The following LYN variants were observed in gnomAD, a reference collection of about 807,000 sequenced individuals.
The protein encoded by LYN is LYN proto-oncogene, Src family tyrosine kinase, also known as tyrosine-protein kinase Lyn.
LYN carries 12 observed loss-of-function variants against 65.0 expected under a neutral mutation model. The observed-to-expected ratio is 0.18, with a 90% CI of 0.12 to 0.30. The LOEUF (loss-of-function observed/expected upper bound fraction) is 0.30, where lower values mean the gene tolerates loss of function less well. Among genes scored for constraint, LYN ranks in the 10% least tolerant of loss-of-function variants. The pLI is 1.00. For synonymous variants in LYN, 222 were observed against 221.2 expected, an observed-to-expected ratio of 1.00 and a Z score of -0.03; for missense variants, 380 against 623.2, an observed-to-expected ratio of 0.61 and a Z score of 4.16.
chr8:55,970,053 GT>G (rs1270116609), intron 10 of LYN, among the ~76,000 whole-genome samples: 1 of 152,246 alleles, frequency 6.6e-6, no homozygotes, highest in East Asian at 1.9e-4. Context: ...CATTTCATAA[GT>G]CATAGAAACA....
chr8:55,936,085 T>C (rs141328910), intron 1 of LYN, among the ~76,000 whole-genome samples: 36 of 152,334 alleles, frequency 2.4e-4, no homozygotes, highest in African/African-American at 7.9e-4. Context: ...AGTAAATCTC[T>C]TGAGTTATAG....
intron 1 of LYN, among the ~76,000 whole-genome samples, chr8:55,925,660 G>T (rs904032681): frequency 2.0e-5 from 3 of 152,092 alleles, no homozygotes; most frequent in Admixed American, 6.6e-5. Context: ...GAAGCAGGCC[G>T]CCCGTGACAC....
At chr8:55,915,829 C>T (rs1295099649) in intron 1 of LYN, among the ~76,000 whole-genome samples, 1 of 151,608 alleles carries the variant, frequency 6.6e-6, no homozygotes, top group Non-Finnish European at 1.5e-5. Flanking sequence ...AGAAAGAGAG[C>T]GAGCGAGCGA....
intron 1 of LYN, among the ~76,000 whole-genome samples, chr8:55,887,067 T>A (rs1371017625): frequency 3.3e-5 from 5 of 152,224 alleles, no homozygotes; most frequent in Admixed American, 3.3e-4. Flanking sequence ...ACAAATTAAG[T>A]CACATTCATA....
chr8:55,959,543 C>T (rs2668018), intron 8 of LYN, among the ~76,000 whole-genome samples: 50,295 of 151,938 alleles, frequency 0.33, 8,785 homozygotes, highest in African/African-American at 0.46. Context: ...GGCTATACAG[C>T]AGAGGAAAGA....
intron 10 of LYN, among the ~76,000 whole-genome samples, chr8:55,982,528 C>T (rs144587505): frequency 2.6e-5 from 4 of 152,240 alleles, no homozygotes; most frequent in African/African-American, 9.6e-5. Context: ...AGACCTTCTA[C>T]CTCCCCCACC....
At chr8:55,946,569 G>T (rs543193062) in intron 3 of LYN, 76 bp downstream of exon 3, 1 of 952,094 alleles carries the variant, frequency 1.1e-6, no homozygotes, top group Non-Finnish European at 1.6e-6. Flanking sequence ...TGTCCTAAAT[G>T]TTTTTATTTT....
chr8:55,903,603 G>A (rs150633954), intron 1 of LYN, among the ~76,000 whole-genome samples: 2 of 152,310 alleles, frequency 1.3e-5, no homozygotes, highest in Middle Eastern at 3.4e-3. Flanking sequence ...TTCACTGTAA[G>A]CTCTTTCTGT....
intron 10 of LYN, among the ~76,000 whole-genome samples, chr8:55,984,424 T>C (rs1236361688): frequency 6.6e-6 from 1 of 152,238 alleles, no homozygotes; most frequent in Non-Finnish European, 1.5e-5. Flanking sequence ...CCAAAACCTG[T>C]GCCAGCAGCC....
chr8:55,996,203 A>G (rs1439781374), intron 10 of LYN, among the ~76,000 whole-genome samples: 1 of 152,240 alleles, frequency 6.6e-6, no homozygotes, highest in Non-Finnish European at 1.5e-5. Context: ...GTTTTTGTAC[A>G]CATTGACCAT....
intron 12 of LYN, among the ~76,000 whole-genome samples, chr8:56,001,654 T>A (rs1215980584): frequency 6.6e-6 from 1 of 152,250 alleles, no homozygotes; most frequent in Non-Finnish European, 1.5e-5. Context: ...ATATTTCTAA[T>A]CAGCCCCAGT....
chr8:55,931,278 C>T (rs927573998), intron 1 of LYN, among the ~76,000 whole-genome samples: 12 of 149,784 alleles, frequency 8.0e-5, no homozygotes, highest in African/African-American at 2.9e-4. Context: ...ACCTATTGTA[C>T]TATATGTACA....
At chr8:55,885,966 G>A (rs886956406) in intron 1 of LYN, among the ~76,000 whole-genome samples, 7 of 151,446 alleles carry the variant, frequency 4.6e-5, no homozygotes, top group African/African-American at 1.5e-4. Flanking sequence ...GTGGGGCGGG[G>A]TGGGAGAGAG....
intron 1 of LYN, among the ~76,000 whole-genome samples, chr8:55,930,770 C>G (rs1400602009): frequency 6.6e-6 from 1 of 152,144 alleles, no homozygotes; most frequent in East Asian, 1.9e-4. Flanking sequence ...CTTCCTCCTC[C>G]CCCTGCTGGC....
intron 8 of LYN, 116 bp from the exon 9 acceptor site, chr8:55,966,599 A>T: frequency 1.3e-6 from 1 of 772,376 alleles, no homozygotes; most frequent in South Asian, 2.0e-5. Context: ...AACTCCTGAC[A>T]TCAGGTGACC....
intron 10 of LYN, among the ~76,000 whole-genome samples, chr8:55,992,324 A>T (rs1024396267): frequency 2.0e-5 from 3 of 152,192 alleles, no homozygotes; most frequent in Admixed American, 6.5e-5. Flanking sequence ...CTGAGGCCTG[A>T]CCCTGTATCC....
chr8:55,922,245 G>A (rs530524202), intron 1 of LYN, among the ~76,000 whole-genome samples: 3 of 151,854 alleles, frequency 2.0e-5, no homozygotes, highest in Admixed American at 6.6e-5. Flanking sequence ...GTGCCACCAC[G>A]CCCAGCTAAT....
intron 1 of LYN, among the ~76,000 whole-genome samples, chr8:55,901,751 C>T (rs893206444): frequency 3.3e-5 from 5 of 152,216 alleles, no homozygotes; most frequent in Non-Finnish European, 7.3e-5. Flanking sequence ...ATATTTCCAA[C>T]GCGGAGCTGG....
At position 56,011,973 on chromosome 8, in the gene LYN, G is replaced by T. The variant is rs922784214; in HGVS notation, c.*1863G>T. 3 of 173,696 alleles carry T rather than the reference G, an allele frequency of 1.7e-5. No homozygotes were observed. Among genetic ancestry groups the T allele is most frequent in the African/African-American group, 7.3e-5 (3 of 41,338 alleles). 10.8% of individuals were successfully genotyped at this position (173,696 alleles called of 1,614,324 possible). A position where few individuals can be genotyped will look rare whatever the true frequency, so the allele number is the denominator to read the frequency against. ...AGAAGTCTCTAGAAAATGACTAGAG[G>T]TTTTTTTTTTAGCATAACAAATTTA... On this transcript the variant is annotated 3_prime_UTR_variant, in exon 13 of 13. Coordinates refer to ENST00000519728, the MANE Select transcript of LYN (RefSeq NM_002350.4).
Sources: gnomAD v4.1 joint callset for allele counts (sites outside exome capture counted in the v4.1 genomes callset) on GRCh38, gnomAD v4.1.1 for gene constraint, MANE v1.5 for transcripts, NCBI Gene and HGNC (gene_info 2026-07-23, HGNC 2026-07-21) for gene names.